The following TTLL9 variants were observed in gnomAD, a reference collection of about 807,000 sequenced individuals.
The protein encoded by TTLL9 is probable tubulin polyglutamylase TTLL9.
A neutral mutation model predicts 65.6 loss-of-function variants in TTLL9; 47 were observed. The ratio of observed to expected loss-of-function variants is 0.72; its 90% CI spans 0.57 to 0.91. The LOEUF is 0.91. Ranked by LOEUF, TTLL9 falls within the 40% of genes least tolerant of loss-of-function variation. TTLL9 has a pLI of 0.00. For missense variants in TTLL9, 537 were observed against 568.8 expected (o/e 0.94, Z 0.57); for synonymous variants, 179 against 204.8 (o/e 0.87, Z 1.07).
At position 31,943,281 on chromosome 20, in the gene TTLL9, G is replaced by C. The variant is rs1250727418; in HGVS notation, c.*260G>C. On this transcript the variant is annotated 3_prime_UTR_variant, in exon 15 of 15. Coordinates refer to ENST00000535842, the MANE Select transcript of TTLL9 (RefSeq NM_001008409.5). ...TTAACCTTGACAAACTGACTTGGCA[G>C]TTAGGCCCAAAGAGAACAAATACAG... 1 of 547,332 alleles carries C rather than the reference G, an allele frequency of 1.8e-6. No homozygotes were observed. The highest frequency in any genetic ancestry group is 3.3e-6 in the Non-Finnish European group (1 of 302,888). 33.9% of individuals were successfully genotyped at this position (547,332 alleles called of 1,614,324 possible). A position where few individuals can be genotyped will look rare whatever the true frequency, so the allele number is the denominator to read the frequency against.
At chr20:31,933,020 T>C (rs1260065571) in intron 10 of TTLL9, among the ~76,000 whole-genome samples, 2 of 151,924 alleles carry the variant, frequency 1.3e-5, no homozygotes, top group East Asian at 3.9e-4. Flanking sequence ...TACAACAAGG[T>C]TTGGGGAAGC....
chr20:31,917,991 T>C (rs1295995633), intron 6 of TTLL9, among the ~76,000 whole-genome samples: 1 of 152,130 alleles, frequency 6.6e-6, no homozygotes, highest in African/African-American at 2.4e-5. Context: ...CATACATCTT[T>C]CTGCAGCTGC....
At chr20:31,935,982 A>G (rs1251632860) in intron 12 of TTLL9, among the ~76,000 whole-genome samples, 1 of 152,016 alleles carries the variant, frequency 6.6e-6, no homozygotes, top group East Asian at 1.9e-4. Context: ...TGGCTACGTC[A>G]CCTCTCTGAG....
At chr20:31,875,742 G>T (rs2063029870) in intron 2 of TTLL9, among the ~76,000 whole-genome samples, 1 of 152,154 alleles carries the variant, frequency 6.6e-6, no homozygotes, top group African/African-American at 2.4e-5. Context: ...ATCCAGGTAA[G>T]GATATTTTGA....
At chr20:31,906,918 G>A (rs1315267368) in intron 4 of TTLL9, among the ~76,000 whole-genome samples, 4 of 152,148 alleles carry the variant, frequency 2.6e-5, no homozygotes, top group African/African-American at 9.7e-5. Context: ...CCAAAATACT[G>A]GGATTACAGG....
intron 2 of TTLL9, among the ~76,000 whole-genome samples, chr20:31,886,512 C>CA (rs2063189858): frequency 6.6e-6 from 1 of 150,620 alleles, no homozygotes; most frequent in African/African-American, 2.4e-5. Flanking sequence ...TCAAACATTC[C>CA]AAGTTAAGAG....
intron 6 of TTLL9, among the ~76,000 whole-genome samples, chr20:31,912,406 G>A (rs1049982711): frequency 6.6e-6 from 1 of 152,142 alleles, no homozygotes; most frequent in Admixed American, 6.5e-5. Flanking sequence ...TCGAGATTGT[G>A]GAGCAGCGGT....
intron 6 of TTLL9, among the ~76,000 whole-genome samples, chr20:31,914,415 G>A (rs2063702628): frequency 6.6e-6 from 1 of 152,206 alleles, no homozygotes; most frequent in Non-Finnish European, 1.5e-5. Flanking sequence ...ATTTAATGTG[G>A]ACAGCTTAAT....
chr20:31,910,232 C>T (rs541479999), intron 6 of TTLL9, among the ~76,000 whole-genome samples: 2 of 152,190 alleles, frequency 1.3e-5, no homozygotes, highest in South Asian at 2.1e-4. Flanking sequence ...TAGTGACCCT[C>T]GGGGGAGGGA....
chr20:31,915,147 G>A (rs1462883215), intron 6 of TTLL9, among the ~76,000 whole-genome samples: 1 of 152,176 alleles, frequency 6.6e-6, no homozygotes, highest in Non-Finnish European at 1.5e-5. Context: ...TCACGGGCAT[G>A]GCTAACACTC....
intron 6 of TTLL9, among the ~76,000 whole-genome samples, chr20:31,919,537 C>T (rs1175625107): frequency 6.6e-6 from 1 of 152,146 alleles, no homozygotes; most frequent in African/African-American, 2.4e-5. Flanking sequence ...ATTAGGAAGG[C>T]AAATTGATTT....
intron 2 of TTLL9, chr20:31,884,130 T>C: frequency 2.1e-6 from 1 of 465,224 alleles, no homozygotes; most frequent in Non-Finnish European, 3.9e-6. Flanking sequence ...GTTATACTTC[T>C]ATATATGTAT....
At chr20:31,883,459 G>A (rs1236889508) in intron 2 of TTLL9, among the ~76,000 whole-genome samples, 1 of 152,124 alleles carries the variant, frequency 6.6e-6, no homozygotes, top group African/African-American at 2.4e-5. Flanking sequence ...GTCTCCCAAA[G>A]TGCTGGGATT....
At chr20:31,923,743 T>C (rs1031241438) in intron 8 of TTLL9, among the ~76,000 whole-genome samples, 1 of 152,092 alleles carries the variant, frequency 6.6e-6, no homozygotes. Context: ...ATCATTGCAA[T>C]AGCGTTAATG....
At chr20:31,905,767 C>G (rs1033613617) in intron 4 of TTLL9, among the ~76,000 whole-genome samples, 4 of 152,166 alleles carry the variant, frequency 2.6e-5, no homozygotes, top group Non-Finnish European at 5.9e-5. Context: ...GGCGCGGTGG[C>G]TCACGCCTAT....
intron 2 of TTLL9, among the ~76,000 whole-genome samples, chr20:31,876,542 G>C (rs923602667): frequency 2.0e-5 from 3 of 152,190 alleles, no homozygotes; most frequent in Non-Finnish European, 2.9e-5. Flanking sequence ...CTGTTATCAA[G>C]AACATTGCAA....
chr20:31,889,063 CACAT>C (rs1385908808), intron 3 of TTLL9, among the ~76,000 whole-genome samples: 2 of 148,962 alleles, frequency 1.3e-5, no homozygotes, highest in African/African-American at 5.0e-5. Flanking sequence ...CACACACACA[CACAT>C]ATATTTACCA....
At chr20:31,881,992 G>T (rs1734700734) in intron 2 of TTLL9, among the ~76,000 whole-genome samples, 1 of 152,160 alleles carries the variant, frequency 6.6e-6, no homozygotes, top group African/African-American at 2.4e-5. Context: ...GGAAAGAAAG[G>T]TCTCCTGTAT....
intron 10 of TTLL9, among the ~76,000 whole-genome samples, chr20:31,933,105 C>T (rs941458561): frequency 9.2e-5 from 14 of 152,146 alleles, no homozygotes; most frequent in African/African-American, 2.9e-4. Context: ...TTCTCTGAGC[C>T]TCCATGGTCT....
Sources: allele counts gnomAD v4.1 joint callset (sites outside exome capture counted in the v4.1 genomes callset), GRCh38; gene constraint gnomAD v4.1.1; transcripts MANE v1.5; gene names NCBI Gene and HGNC (gene_info 2026-07-23, HGNC 2026-07-21).